The following CNTNAP4 variants were observed in gnomAD, a reference collection of about 807,000 sequenced individuals.
CNTNAP4 encodes the protein contactin-associated protein-like 4.
Under a neutral mutation model 148.4 loss-of-function variants are expected in CNTNAP4, and 98 were observed. The ratio of observed to expected loss-of-function variants is 0.66; its 90% CI spans 0.56 to 0.78. The LOEUF (loss-of-function observed/expected upper bound fraction) is 0.78. Among genes scored for constraint, CNTNAP4 ranks in the 30% least tolerant of loss-of-function variants. The pLI, the probability that CNTNAP4 is intolerant of heterozygous loss-of-function variation, is 0.00. For synonymous variants in CNTNAP4, 730 were observed against 565.1 expected, an observed-to-expected ratio of 1.29 and a Z score of -4.14; for missense variants, 1,935 against 1,565.6, an observed-to-expected ratio of 1.24 and a Z score of -3.98.
At chr16:76,290,434 A>G (rs1326976430) in intron 1 of CNTNAP4, among the ~76,000 whole-genome samples, 3 of 152,180 alleles carry the variant, frequency 2.0e-5, no homozygotes, top group African/African-American at 7.2e-5. Context: ...TGTCACTTTC[A>G]TCTTAACAAC....
Position 76,373,222 on chromosome 16 carries a change from G to C in CNTNAP4, c.390+17711G>C, listed in dbSNP as rs529411546. Among the ~76,000 whole-genome samples the C allele has an allele frequency of 2.5e-3, 374 of 149,218 alleles. 6 individuals carry two copies. The highest frequency in any genetic ancestry group is 8.8e-3 in the African/African-American group (354 of 40,284). On this transcript the variant is annotated intron_variant, in intron 3 of 23. Transcript: ENST00000611870. ...AGGTGAATATATTCCACATAAATAG[G>C]TGAATATATTCCACATAAATAGGTG...
chr16:76,412,829 G>C (rs1171914951), intron 3 of CNTNAP4, among the ~76,000 whole-genome samples: 2 of 151,194 alleles, frequency 1.3e-5, no homozygotes, highest in Non-Finnish European at 3.0e-5. Context: ...TTCCTTTCAT[G>C]GTTAAGAAAA....
At chr16:76,475,572 A>T (rs1203425589) in intron 10 of CNTNAP4, among the ~76,000 whole-genome samples, 1 of 152,134 alleles carries the variant, frequency 6.6e-6, no homozygotes, top group African/African-American at 2.4e-5. Flanking sequence ...TTTTATCTGT[A>T]TTCCTTCTTT....
At chr16:76,428,684 C>T (rs1222097151) in intron 4 of CNTNAP4, among the ~76,000 whole-genome samples, 2 of 152,000 alleles carry the variant, frequency 1.3e-5, no homozygotes, top group African/African-American at 2.4e-5. Context: ...ACATATTTGA[C>T]AGACCTGATT....
chr16:76,443,250 T>C (rs1234084450), intron 4 of CNTNAP4, among the ~76,000 whole-genome samples: 1 of 152,204 alleles, frequency 6.6e-6, no homozygotes, highest in African/African-American at 2.4e-5. Context: ...AGTCTCCTCT[T>C]ACATCTTTAG....
At chr16:76,460,377 G>A (rs2080895203) in intron 8 of CNTNAP4, among the ~76,000 whole-genome samples, 1 of 151,774 alleles carries the variant, frequency 6.6e-6, no homozygotes, top group East Asian at 2.0e-4. Context: ...CCAAAGTACT[G>A]GGATTACAGG....
At chr16:76,438,018 A>G (rs1157155821) in intron 4 of CNTNAP4, among the ~76,000 whole-genome samples, 1 of 152,174 alleles carries the variant, frequency 6.6e-6, no homozygotes, top group Non-Finnish European at 1.5e-5. Flanking sequence ...AAGAAACTGG[A>G]GCAGAATTGA....
intron 15 of CNTNAP4, among the ~76,000 whole-genome samples, chr16:76,513,330 A>G (rs1424651991): frequency 1.3e-5 from 2 of 152,162 alleles, no homozygotes; most frequent in Non-Finnish European, 2.9e-5. Context: ...GGAAGTGTGA[A>G]GTAATCCTCT....
At chr16:76,375,921 C>T (rs1041166514) in intron 3 of CNTNAP4, among the ~76,000 whole-genome samples, 14 of 152,164 alleles carry the variant, frequency 9.2e-5, no homozygotes, top group Admixed American at 7.9e-4. Flanking sequence ...CATTCAGATG[C>T]AGGCTCCATC....
At chr16:76,542,094 C>A (rs1334263878) in intron 21 of CNTNAP4, among the ~76,000 whole-genome samples, 2 of 152,184 alleles carry the variant, frequency 1.3e-5, no homozygotes, top group Non-Finnish European at 2.9e-5. Context: ...AGACCGTGTG[C>A]ACTCTTAAGT....
intron 15 of CNTNAP4, among the ~76,000 whole-genome samples, chr16:76,515,317 A>C (rs1035164769): frequency 6.6e-6 from 1 of 152,208 alleles, no homozygotes; most frequent in Non-Finnish European, 1.5e-5. Flanking sequence ...CCTAACCCCA[A>C]TGTGACTATA....
At chr16:76,365,775 A>C (rs1404366374) in intron 3 of CNTNAP4, among the ~76,000 whole-genome samples, 5 of 148,514 alleles carry the variant, frequency 3.4e-5, no homozygotes, top group African/African-American at 1.2e-4. Context: ...AAAAAACCTA[A>C]GAGAATCATC....
intron 10 of CNTNAP4, among the ~76,000 whole-genome samples, chr16:76,472,139 C>A (rs2081399217): frequency 6.6e-6 from 1 of 151,212 alleles, no homozygotes; most frequent in Non-Finnish European, 1.5e-5. Context: ...ATGGGTTAAT[C>A]AATTGTCTTA....
intron 1 of CNTNAP4, among the ~76,000 whole-genome samples, chr16:76,315,428 T>A (rs559464945): frequency 6.6e-6 from 1 of 152,318 alleles, no homozygotes; most frequent in South Asian, 2.1e-4. Context: ...ACAAGTTGTT[T>A]TTATAAAAGT....
rs3975398 is a variant in CNTNAP4 at position 76,298,486 on chromosome 16, ATGTGTGTGTGTGTGTG to A, written c.86-17898_86-17883del. On this transcript the variant is annotated intron_variant, in intron 1 of 23. Transcript: ENST00000611870. ...TGTGTGTGCACATGTGTGTACATGT[ATGTGTGTGTGTGTGTG>A]TGTGTGTGTGTGTGTGTGTGTGTGT... 7.8e-3 allele frequency among the ~76,000 whole-genome samples: 1,013 copies of A among 129,470 alleles called. 10 individuals carry two copies. Among genetic ancestry groups the A allele is most frequent in the African/African-American group, 0.028 (913 of 32,736 alleles). 84.9% of individuals were successfully genotyped at this position (129,470 alleles called of 152,430 possible). A position where few individuals can be genotyped will look rare whatever the true frequency, so the allele number is the denominator to read the frequency against.
rs190565952 is a variant in CNTNAP4, at chr16:76,331,184, G to C, written c.196+14661G>C. On this transcript the variant is annotated intron_variant, in intron 2 of 23. Coordinates refer to ENST00000611870, the MANE Select transcript of CNTNAP4 (RefSeq NM_033401.5). Reference sequence around the variant, plus strand: ...TTCTCATTCTTTTTTGTTGTTTTCTGTTTTTTCTTTTTCTTTTTTTTTAGA... The same window carrying C: ...TTCTCATTCTTTTTTGTTGTTTTCTCTTTTTTCTTTTTCTTTTTTTTTAGA... Among the ~76,000 whole-genome samples the C allele has an allele frequency of 4.7e-3, 704 of 149,892 alleles. 2 individuals carry two copies. Among genetic ancestry groups the C allele is most frequent in the African/African-American group, 0.015 (633 of 40,872 alleles).
At chr16:76,359,340 A>G (rs906316845) in intron 3 of CNTNAP4, among the ~76,000 whole-genome samples, 2 of 152,208 alleles carry the variant, frequency 1.3e-5, no homozygotes, top group African/African-American at 2.4e-5. Flanking sequence ...CAAGTATGTG[A>G]TAGAAAAACA....
At chr16:76,511,735 T>C (rs2083033291) in intron 15 of CNTNAP4, among the ~76,000 whole-genome samples, 1 of 152,164 alleles carries the variant, frequency 6.6e-6, no homozygotes, top group Admixed American at 6.5e-5. Context: ...CTCTTGTCTC[T>C]GTTTTTCCAC....
intron 13 of CNTNAP4, among the ~76,000 whole-genome samples, chr16:76,491,854 T>TTGTG (rs10577540): frequency 6.6e-6 from 1 of 151,544 alleles, no homozygotes; most frequent in Non-Finnish European, 1.5e-5. Context: ...TGATATCCCA[T>TTGTG]TGTGTGTGTG....
Sources: allele counts gnomAD v4.1 joint callset (sites outside exome capture counted in the v4.1 genomes callset), GRCh38; gene constraint gnomAD v4.1.1; transcripts MANE v1.5; gene names NCBI Gene and HGNC (gene_info 2026-07-23, HGNC 2026-07-21).